The following TMEM120B variants were observed in gnomAD, a reference collection of about 807,000 sequenced individuals.
The protein encoded by TMEM120B is transmembrane protein 120B.
A neutral mutation model predicts 55.5 loss-of-function variants in TMEM120B; 31 were observed. The ratio of observed to expected loss-of-function variants is 0.56; its 90% CI spans 0.42 to 0.75. TMEM120B has a LOEUF of 0.75. Ranked by LOEUF, TMEM120B falls within the 30% of genes least tolerant of loss-of-function variation. The pLI, the probability that TMEM120B is intolerant of heterozygous loss-of-function variation, is 0.00. For synonymous variants in TMEM120B, 203 were observed against 176.3 expected (o/e 1.15, Z -1.20); for missense variants, 399 against 425.5 (o/e 0.94, Z 0.55).
intron 1 of TMEM120B, among the ~76,000 whole-genome samples, chr12:121,729,463 G>A (rs921563839): frequency 6.6e-6 from 1 of 152,098 alleles, no homozygotes; most frequent in Non-Finnish European, 1.5e-5. Flanking sequence ...ATTAAACATC[G>A]AATTACCATA....
At chr12:121,772,991 A>G (rs769247563) in intron 8 of TMEM120B, among the ~76,000 whole-genome samples, 6 of 152,168 alleles carry the variant, frequency 3.9e-5, no homozygotes, top group East Asian at 3.8e-4. Context: ...ACAGTTTATC[A>G]TGGCTATTTT....
Position 121,779,706 on chromosome 12 carries a change from G to A in TMEM120B, c.*3984G>A. Reference sequence around the variant, plus strand: ...CAGCATTAGGTGAGGGGCCCCTGGAGGTCTCCTAGCACCACCTGGTGGGTT... The same window carrying A: ...CAGCATTAGGTGAGGGGCCCCTGGAAGTCTCCTAGCACCACCTGGTGGGTT... On this transcript the variant is annotated 3_prime_UTR_variant, in exon 12 of 12. Transcript: ENST00000449592. The A allele has an allele frequency of 1.2e-6, 2 of 1,607,244 alleles. No homozygotes were observed. The highest frequency in any genetic ancestry group is 1.7e-6 in the Non-Finnish European group (2 of 1,176,534).
chr12:121,714,051 A>AAT (rs1894649338), intron 1 of TMEM120B, among the ~76,000 whole-genome samples: 1 of 152,002 alleles, frequency 6.6e-6, no homozygotes, highest in Non-Finnish European at 1.5e-5. Flanking sequence ...GATTCTGATC[A>AAT]ATAGACAGAG....
intron 1 of TMEM120B, among the ~76,000 whole-genome samples, chr12:121,725,740 G>A (rs995566391): frequency 1.3e-5 from 2 of 152,028 alleles, no homozygotes; most frequent in Non-Finnish European, 2.9e-5. Context: ...ATGCAGAAAA[G>A]AACTATAGAG....
chr12:121,761,018 G>A (rs537742435), intron 5 of TMEM120B, among the ~76,000 whole-genome samples: 4 of 151,748 alleles, frequency 2.6e-5, no homozygotes, highest in African/African-American at 4.8e-5. Context: ...TCGCTCTGTC[G>A]CTCAGGCTGG....
chr12:121,724,424 C>T (rs1038213719), intron 1 of TMEM120B, among the ~76,000 whole-genome samples: 3 of 152,012 alleles, frequency 2.0e-5, no homozygotes, highest in Admixed American at 1.3e-4. Context: ...GTGATCCACC[C>T]GCCTTGGCCT....
chr12:121,762,941 A>C (rs1873727065), intron 6 of TMEM120B, among the ~76,000 whole-genome samples: 1 of 152,000 alleles, frequency 6.6e-6, no homozygotes. Flanking sequence ...AGTGGTGCTG[A>C]GTGAGTCCAG....
chr12:121,770,163 G>C (rs1446958103), intron 6 of TMEM120B, among the ~76,000 whole-genome samples: 1 of 152,122 alleles, frequency 6.6e-6, no homozygotes, highest in Non-Finnish European at 1.5e-5. Context: ...TCACAGTTTG[G>C]TGCTGGAAGT....
rs1195763338 is a variant in TMEM120B at position 121,780,127 on chromosome 12, G to C, written c.*4405G>C. Reference sequence around the variant, plus strand: ...GGCTGGAGTGCAATGGCGCGATCTTGGTTCATCACAACCTCTGCCACCCAG... The same window carrying C: ...GGCTGGAGTGCAATGGCGCGATCTTCGTTCATCACAACCTCTGCCACCCAG... On this transcript the variant is annotated 3_prime_UTR_variant, in exon 12 of 12. Transcript: ENST00000449592. The C allele has an allele frequency of 1.9e-5, 3 of 158,674 alleles. No individual in the cohort carries two copies. Among genetic ancestry groups the C allele is most frequent in the African/African-American group, 7.2e-5 (3 of 41,552 alleles). The allele number at this position is 158,674 out of a possible 1,614,324, so 9.8% of individuals were successfully genotyped here. A position where few individuals can be genotyped will look rare whatever the true frequency, so the allele number is the denominator to read the frequency against.
At chr12:121,763,438 A>G (rs1873746792) in intron 6 of TMEM120B, among the ~76,000 whole-genome samples, 1 of 151,678 alleles carries the variant, frequency 6.6e-6, no homozygotes, top group South Asian at 2.1e-4. Flanking sequence ...CTGGGATTAC[A>G]GGCGTGAGCC....
intron 6 of TMEM120B, among the ~76,000 whole-genome samples, chr12:121,763,293 G>T (rs368799792): frequency 7.9e-4 from 119 of 150,980 alleles, no homozygotes; most frequent in African/African-American, 2.8e-3. Context: ...CTCTTGAGTA[G>T]CTGGGACTAC....
intron 4 of TMEM120B, among the ~76,000 whole-genome samples, chr12:121,750,644 C>T (rs112973760): frequency 0.42 from 45,039 of 107,240 alleles, 10,529 homozygotes; most frequent in Middle Eastern, 0.55. Flanking sequence ...CCCCACACTG[C>T]GAACCCACAC....
At position 121,780,922 on chromosome 12, in the gene TMEM120B, G is replaced by T. The variant is rs758161621; in HGVS notation, c.*5200G>T. On this transcript the variant is annotated 3_prime_UTR_variant, in exon 12 of 12. Coordinates refer to ENST00000449592, the MANE Select transcript of TMEM120B (RefSeq NM_001080825.2). ...TGGGCGGCCCGGAGCTTCCGCAGCT[G>T]CTCCTTGTCCTTCCTCAGGTCTGTC... 1 of 1,613,994 alleles carries T rather than the reference G, an allele frequency of 6.2e-7. No homozygotes were observed. The highest frequency in any genetic ancestry group is 1.1e-5 in the South Asian group (1 of 91,070).
Position 121,748,326 on chromosome 12 carries a change from G to C in TMEM120B, c.189G>C (p.Arg63Ser). 6.2e-7 allele frequency: 1 copy of C among 1,609,564 alleles called. No individual in the cohort carries two copies. Among genetic ancestry groups the C allele is most frequent in the African/African-American group, 1.3e-5 (1 of 74,820 alleles). Residue 63 changes from arginine (R) to serine (S), a missense_variant and splice_region_variant, in exon 3 of 12, where the codon AGG (arginine) becomes AGC (serine). Arg to Ser is a moderately radical substitution (Grantham distance 110, BLOSUM62 -1). Transcript: ENST00000449592. The part of the protein sequence containing the change: ...HLKDLKLTLQ[R>S]CKRHASREEA... ...CCTGTGCCTGCATCTCTGTCCGCAGGTGCAAACGCCATGCCAGTCGGGAGG... is the reference window on the plus strand; with the variant it reads ...CCTGTGCCTGCATCTCTGTCCGCAGCTGCAAACGCCATGCCAGTCGGGAGG...
rs984449284 is a variant in TMEM120B, at chr12:121,781,112, G to A, written c.*5390G>A. On this transcript the variant is annotated 3_prime_UTR_variant, in exon 12 of 12. Transcript: ENST00000449592. ...ATGAGGACGTTGTCGTAGCTGGTGGGATTCATGACGTCATAGCAGATGAGC... is the reference window on the plus strand; with the variant it reads ...ATGAGGACGTTGTCGTAGCTGGTGGAATTCATGACGTCATAGCAGATGAGC... The A allele has an allele frequency of 2.5e-6, 4 of 1,614,242 alleles. No individual in the cohort carries two copies. Among genetic ancestry groups the A allele is most frequent in the Non-Finnish European group, 3.4e-6 (4 of 1,180,036 alleles).
Position 121,761,888 on chromosome 12 carries a change from GC to G in TMEM120B, c.551+151del. The G allele has an allele frequency of 4.9e-6, 3 of 616,862 alleles. No individual in the cohort carries two copies. In the South Asian group the frequency reaches 6.0e-5, roughly 12 times the overall value. 38.2% of individuals were successfully genotyped at this position (616,862 alleles called of 1,614,324 possible). ...CTGTTCAGATCCAGGAAGGAGGAAAGCTGATGCTGTTGATGCGGCAGCTCTT... is the reference window on the plus strand; with the variant it reads ...CTGTTCAGATCCAGGAAGGAGGAAAGTGATGCTGTTGATGCGGCAGCTCTT... On this transcript the variant is annotated intron_variant, in intron 6 of 11. Transcript: ENST00000449592.
chr12:121,739,649 T>G (rs1332540685), intron 1 of TMEM120B, among the ~76,000 whole-genome samples: 1 of 151,822 alleles, frequency 6.6e-6, no homozygotes, highest in Non-Finnish European at 1.5e-5. Context: ...ATTTTTGTAT[T>G]TTTAGTAGAG....
intron 6 of TMEM120B, among the ~76,000 whole-genome samples, chr12:121,770,369 T>C (rs1873998857): frequency 6.6e-6 from 1 of 152,044 alleles, no homozygotes; most frequent in African/African-American, 2.4e-5. Context: ...CTCAGTCCCC[T>C]CTTCAAAGGC....
rs1874377860 is a variant in TMEM120B, at chr12:121,779,718, C to T, written c.*3996C>T. ...AGGGGCCCCTGGAGGTCTCCTAGCA[C>T]CACCTGGTGGGTTTGGGACTGGCTC... On this transcript the variant is annotated 3_prime_UTR_variant, in exon 12 of 12. Coordinates refer to ENST00000449592, the MANE Select transcript of TMEM120B (RefSeq NM_001080825.2). 1.3e-6 allele frequency: 2 copies of T among 1,593,606 alleles called. No individual in the cohort carries two copies. Among genetic ancestry groups the T allele is most frequent in the African/African-American group, 1.3e-5 (1 of 74,708 alleles).
Sources: allele counts gnomAD v4.1 joint callset (sites outside exome capture counted in the v4.1 genomes callset), GRCh38; gene constraint gnomAD v4.1.1; transcripts MANE v1.5; gene names NCBI Gene and HGNC (gene_info 2026-07-23, HGNC 2026-07-21).